Variants in URB1 observed in about 807,000 individuals in gnomAD.
The protein encoded by URB1 is nucleolar pre-ribosomal-associated protein 1.
A neutral mutation model predicts 242.3 loss-of-function variants in URB1; 197 were observed. The ratio of observed to expected loss-of-function variants is 0.81; its 90% CI spans 0.72 to 0.91. The LOEUF (loss-of-function observed/expected upper bound fraction) is 0.91. Among genes scored for constraint, URB1 ranks in the 40% least tolerant of loss-of-function variants. The pLI, the probability that URB1 is intolerant of heterozygous loss-of-function variation, is 0.00. For synonymous variants in URB1, 1,153 were observed against 1,201.8 expected, an observed-to-expected ratio of 0.96 and a Z score of 0.84; for missense variants, 2,721 against 2,860.5, an observed-to-expected ratio of 0.95 and a Z score of 1.11.
chr21:32,388,563 G>A (rs916363514), intron 1 of URB1, among the ~76,000 whole-genome samples: 6 of 152,188 alleles, frequency 3.9e-5, no homozygotes, highest in African/African-American at 1.2e-4. Context: ...CATTGCTGCC[G>A]TCTGCAGCGT....
In URB1 at chr21:32,320,250, C is replaced by T. The variant is rs562306382; in HGVS notation, c.5594+281G>A. Among the ~76,000 whole-genome samples the T allele has an allele frequency of 6.6e-5, 10 of 152,368 alleles. No homozygotes were observed. The East Asian group carries it at 1.3e-3, about 21-fold the overall frequency. ...CTGACCTGTGCAGAACAGAGCCAGA[C>T]AGGCTGGCGGAGACTCTGCCAGATG... On this transcript the variant is annotated intron_variant, in intron 35 of 38. Transcript: ENST00000382751.
In URB1 at chr21:32,383,663, C is replaced by T. The variant is rs960903549; in HGVS notation, c.435-109G>A. 1.6e-5 allele frequency: 20 copies of T among 1,229,170 alleles called. No individual in the cohort carries two copies. In the African/African-American group the frequency reaches 2.9e-4, roughly 18 times the overall value. 76.1% of individuals were successfully genotyped at this position (1,229,170 alleles called of 1,614,324 possible). Reference sequence around the variant, plus strand: ...GCTTGTGTTATTTGCTATCCCCAAACCAGAAAAAAAGAAGGAAAAAGACAT... The same window carrying T: ...GCTTGTGTTATTTGCTATCCCCAAATCAGAAAAAAAGAAGGAAAAAGACAT... On this transcript the variant is annotated intron_variant, in intron 3 of 38. Transcript: ENST00000382751.
chr21:32,360,276 G>A (rs1053634712), intron 13 of URB1, among the ~76,000 whole-genome samples: 1 of 152,184 alleles, frequency 6.6e-6, no homozygotes, highest in African/African-American at 2.4e-5. Context: ...TGTGGACAGA[G>A]ACTGCAGCCA....
chr21:32,326,737 A>G (rs1217857860), intron 30 of URB1, among the ~76,000 whole-genome samples: 1 of 152,190 alleles, frequency 6.6e-6, no homozygotes, highest in Non-Finnish European at 1.5e-5. Flanking sequence ...GCCTTCTACC[A>G]TAATTGAAAG....
At chr21:32,376,283 G>A (rs2033458063) in intron 5 of URB1, among the ~76,000 whole-genome samples, 1 of 152,036 alleles carries the variant, frequency 6.6e-6, no homozygotes, top group South Asian at 2.1e-4. Flanking sequence ...CAAGGAAATG[G>A]CCACCAGAGC....
At position 32,312,447 on chromosome 21, in the gene URB1, G is replaced by C; in HGVS notation, c.*2471C>G. On this transcript the variant is annotated 3_prime_UTR_variant, in exon 39 of 39. Transcript: ENST00000382751. ...ACCCGCCGGCTCCCCCAGATGTGAT[G>C]GCATCTGCCCTGCCAGGTCAGCTCA... 5.6e-6 allele frequency: 3 copies of C among 533,510 alleles called. No homozygotes were observed. The highest frequency in any genetic ancestry group is 8.0e-6 in the Non-Finnish European group (3 of 374,452). The allele number at this position is 533,510 out of a possible 1,614,324, so 33.0% of individuals were successfully genotyped here.
intron 5 of URB1, among the ~76,000 whole-genome samples, chr21:32,378,237 C>A (rs1399335808): frequency 6.6e-6 from 1 of 152,168 alleles, no homozygotes; most frequent in East Asian, 1.9e-4. Flanking sequence ...ATAACAGGAA[C>A]AACTCTGTTC....
chr21:32,343,515 C>T (rs1354574422), intron 24 of URB1, among the ~76,000 whole-genome samples: 3 of 152,090 alleles, frequency 2.0e-5, no homozygotes, highest in Non-Finnish European at 2.9e-5. Context: ...AGAGTGGTTG[C>T]TTTGGAGGGA....
At chr21:32,361,191 G>GAAAGAAAGAAAC in intron 12 of URB1, 68 bp from the exon 13 acceptor site, 1 of 872,022 alleles carries the variant, frequency 1.1e-6, no homozygotes, top group Non-Finnish European at 1.7e-6. Context: ...AAGAAAGAAA[G>GAAAGAAAGAAAC]AAAGAAAGAA....
At chr21:32,317,572 T>C in intron 37 of URB1, 104 bp downstream of exon 37, 1 of 1,467,466 alleles carries the variant, frequency 6.8e-7, no homozygotes, top group Non-Finnish European at 9.1e-7. Flanking sequence ...CTGAGCCTCA[T>C]TAGCTTTGGA....
rs532514184 is a variant in URB1, at chr21:32,317,326, G to C, written c.6035-261C>G. On this transcript the variant is annotated intron_variant, in intron 37 of 38. Coordinates refer to ENST00000382751, the MANE Select transcript of URB1 (RefSeq NM_014825.3). ...TCTTTAAACACAGGGAATCAGGACAGCATCAGAGCTTCAGTCCAGGAGGCC... is the reference window on the plus strand; with the variant it reads ...TCTTTAAACACAGGGAATCAGGACACCATCAGAGCTTCAGTCCAGGAGGCC... 1.6e-4 allele frequency among the ~76,000 whole-genome samples: 24 copies of C among 152,332 alleles called. No homozygotes were observed. In the South Asian group the frequency reaches 4.6e-3, roughly 29 times the overall value.
chr21:32,374,568 G>A (rs562683717), intron 6 of URB1, among the ~76,000 whole-genome samples: 9 of 152,146 alleles, frequency 5.9e-5, no homozygotes, highest in Non-Finnish European at 1.3e-4. Context: ...GAACACCATT[G>A]TTTTTAAAAG....
chr21:32,368,713 C>A, intron 8 of URB1, 115 bp from the exon 9 acceptor site: 1 of 885,494 alleles, frequency 1.1e-6, no homozygotes, highest in Non-Finnish European at 1.7e-6. Context: ...GCAATAACAA[C>A]GTAGGGAATT....
chr21:32,378,968 T>C (rs2033491426), intron 4 of URB1, among the ~76,000 whole-genome samples: 1 of 152,260 alleles, frequency 6.6e-6, no homozygotes, highest in Non-Finnish European at 1.5e-5. Context: ...TGGCTGGTAC[T>C]GCTTTTGGTG....
rs1303579161 is a variant in URB1 at position 32,372,640 on chromosome 21, A to AT, written c.877-10dup. 1.7e-5 allele frequency: 27 copies of AT among 1,543,754 alleles called. No individual in the cohort carries two copies. The highest frequency in any genetic ancestry group is 2.3e-5 in the Non-Finnish European group (26 of 1,144,850). On this transcript the variant is annotated splice_polypyrimidine_tract_variant and intron_variant, in intron 7 of 38. Transcript: ENST00000382751. ...GCTTCTTCGGCAGAAACCTATGAAG[A>AT]TTTTTTAAAAATTCAATGAAAATCC...
rs903107044 is a variant in URB1 at position 32,392,972 on chromosome 21, G to A, written c.-62C>T. ...CTGAGGGGACCCGGCAGGAGCACTG[G>A]CACAGACAGCAGACACGCGCTTCAG... On this transcript the variant is annotated 5_prime_UTR_variant, in exon 1 of 39. Transcript: ENST00000382751. 1.5e-5 allele frequency: 21 copies of A among 1,429,478 alleles called. No homozygotes were observed. Among genetic ancestry groups the A allele is most frequent in the South Asian group, 2.9e-5 (2 of 69,716 alleles). The allele number at this position is 1,429,478 out of a possible 1,614,324, so 88.5% of individuals were successfully genotyped here. A position where few individuals can be genotyped will look rare whatever the true frequency, so the allele number is the denominator to read the frequency against.
At position 32,334,325 on chromosome 21, in the gene URB1, C is replaced by T; in HGVS notation, c.4695G>A (p.Leu1565=). 6.5e-7 allele frequency: 1 copy of T among 1,548,308 alleles called. No individual in the cohort carries two copies. Among genetic ancestry groups the T allele is most frequent in the African/African-American group, 1.4e-5 (1 of 73,146 alleles). ...GATGCTCCACGGCCGCTGGGCCCCA[C>T]AGCAGCACCCTAGAGCCAGAAAAGG... ...KLSLINFRVL[L]WGPAAVEHHK... The change falls in exon 29 of 39, where the codon CTG becomes CTA. Residue 1565 remains leucine (L), a synonymous_variant. Transcript: ENST00000382751.
rs765542162 is a variant in URB1 at position 32,316,524 on chromosome 21, G to C, written c.6576C>G (p.His2192Gln). ...ACAGGGAGAGGGCTTCCATGGCCGGGTGGAAGGGGCTCCCTGCCCGGCCCT... is the reference window on the plus strand; with the variant it reads ...ACAGGGAGAGGGCTTCCATGGCCGGCTGGAAGGGGCTCCCTGCCCGGCCCT... ...AAQGRAGSPFHPAMEALSLSS... is the reference protein window; with the variant it reads ...AAQGRAGSPFQPAMEALSLSS... The change falls in exon 38 of 39, where the codon CAC becomes CAG. Residue 2192 changes from histidine to glutamine, a missense_variant. His to Gln is a conservative substitution (Grantham distance 24, BLOSUM62 0). Coordinates refer to ENST00000382751, the MANE Select transcript of URB1 (RefSeq NM_014825.3). 2.3e-5 allele frequency: 35 copies of C among 1,549,724 alleles called. No individual in the cohort carries two copies. The South Asian group carries it at 4.2e-4, about 18-fold the overall frequency.
At position 32,378,439 on chromosome 21, in the gene URB1, A is replaced by G; in HGVS notation, c.664+6T>C. 1 of 1,549,100 alleles carries G rather than the reference A, an allele frequency of 6.5e-7. No homozygotes were observed. The highest frequency in any genetic ancestry group is 8.7e-7 in the Non-Finnish European group (1 of 1,144,630). ...GCTTTCCTAACGGACAAGGGAGTAC[A>G]CCTACCTTTCACTTCCAACACCTGC... On this transcript the variant is annotated splice_donor_region_variant and intron_variant, in intron 5 of 38. Transcript: ENST00000382751.
Sources: allele counts gnomAD v4.1 joint callset (sites outside exome capture counted in the v4.1 genomes callset), GRCh38; gene constraint gnomAD v4.1.1; transcripts MANE v1.5; gene names NCBI Gene and HGNC (gene_info 2026-07-23, HGNC 2026-07-21).